The following GRIK2 variants were observed in gnomAD, a reference collection of about 807,000 sequenced individuals.
The protein encoded by GRIK2 is glutamate receptor ionotropic, kainate 2.
In GRIK2, 32 loss-of-function variants were observed where a neutral mutation model predicts 100.3. The observed-to-expected ratio is 0.32, with a 90% CI of 0.24 to 0.43. The LOEUF is 0.43. Ranked by LOEUF, GRIK2 falls within the 20% of genes least tolerant of loss-of-function variation. The probability of loss-of-function intolerance (pLI) is 1.00; values close to 1 mark genes in which losing one functional copy is unlikely to be tolerated. For missense variants in GRIK2, 843 were observed against 1,114.9 expected, an observed-to-expected ratio of 0.76 and a Z score of 3.47; for synonymous variants, 417 against 389.4, an observed-to-expected ratio of 1.07 and a Z score of -0.83.
In GRIK2 at chr6:101,760,666, A is replaced by ATTTAATTATATGTTTAATTATG. The variant is rs1562364694; in HGVS notation, c.952-38981_952-38980insTTAATTATATGTTTAATTATGT. Among the ~76,000 whole-genome samples the ATTTAATTATATGTTTAATTATG allele has an allele frequency of 3.4e-4, 41 of 120,598 alleles. 1 individual carries two copies. The highest frequency in any genetic ancestry group is 9.2e-4 in the East Asian group (4 of 4,346). The allele number at this position is 120,598 out of a possible 152,430, so 79.1% of individuals were successfully genotyped here. A position where few individuals can be genotyped will look rare whatever the true frequency, so the allele number is the denominator to read the frequency against. ...TATATATAATTATATGTTTAATTAT[A>ATTTAATTATATGTTTAATTATG]TATAATTATATATTTAATTATATAT... is the stretch of plus-strand genomic sequence containing the variant. On this transcript the variant is annotated intron_variant, in intron 7 of 16. Coordinates refer to ENST00000369134, the MANE Select transcript of GRIK2 (RefSeq NM_021956.5).
chr6:101,455,428 C>T (rs891715026), intron 2 of GRIK2, among the ~76,000 whole-genome samples: 1 of 151,948 alleles, frequency 6.6e-6, no homozygotes, highest in Non-Finnish European at 1.5e-5. Context: ...GGGATGATAA[C>T]CTTTTTAAAC....
chr6:101,647,913 C>T (rs916865071), intron 4 of GRIK2, among the ~76,000 whole-genome samples: 5 of 151,920 alleles, frequency 3.3e-5, no homozygotes, highest in African/African-American at 9.7e-5. Context: ...AGTTTATCAA[C>T]CTTGGTGCTG....
intron 12 of GRIK2, among the ~76,000 whole-genome samples, chr6:101,905,678 A>G (rs1163455367): frequency 1.3e-5 from 2 of 151,344 alleles, no homozygotes; most frequent in Non-Finnish European, 3.0e-5. Flanking sequence ...TATTACTACT[A>G]CATCTATCAA....
chr6:101,564,618 T>C (rs1292505593), intron 2 of GRIK2, among the ~76,000 whole-genome samples: 1 of 152,152 alleles, frequency 6.6e-6, no homozygotes, highest in African/African-American at 2.4e-5. Context: ...CATCTCATTT[T>C]CTACCAGACA....
At chr6:101,565,574 TG>T in intron 2 of GRIK2, among the ~76,000 whole-genome samples, 1 of 152,182 alleles carries the variant, frequency 6.6e-6, no homozygotes, top group Non-Finnish European at 1.5e-5. Flanking sequence ...CAAAGAAGAT[TG>T]CATTGAATGT....
intron 5 of GRIK2, among the ~76,000 whole-genome samples, chr6:101,679,355 T>C (rs1014792984): frequency 2.6e-5 from 4 of 152,216 alleles, no homozygotes; most frequent in African/African-American, 9.6e-5. Context: ...CATGTGTTAA[T>C]TCATCATATA....
At chr6:101,635,763 C>T (rs1780975969) in intron 4 of GRIK2, among the ~76,000 whole-genome samples, 1 of 152,186 alleles carries the variant, frequency 6.6e-6, no homozygotes, top group Non-Finnish European at 1.5e-5. Context: ...CTCATCATCA[C>T]TGGTCATTAG....
At chr6:101,593,248 G>A (rs1472263097) in intron 2 of GRIK2, among the ~76,000 whole-genome samples, 1 of 151,858 alleles carries the variant, frequency 6.6e-6, no homozygotes, top group African/African-American at 2.4e-5. Flanking sequence ...TGATGGAGGT[G>A]ATGATGGGAA....
chr6:101,441,915 G>A (rs191797176), intron 2 of GRIK2, among the ~76,000 whole-genome samples: 4 of 151,750 alleles, frequency 2.6e-5, no homozygotes, highest in Admixed American at 1.3e-4. Context: ...AGTAGTCTGG[G>A]AAACTTCTTA....
chr6:101,587,795 C>G (rs1389823073), intron 2 of GRIK2, among the ~76,000 whole-genome samples: 1 of 151,886 alleles, frequency 6.6e-6, no homozygotes, highest in East Asian at 1.9e-4. Flanking sequence ...AAAATTGAGG[C>G]TAAAGTACAG....
At chr6:102,012,792 A>G (rs1392795220) in intron 14 of GRIK2, among the ~76,000 whole-genome samples, 3 of 152,060 alleles carry the variant, frequency 2.0e-5, no homozygotes, top group Non-Finnish European at 4.4e-5. Flanking sequence ...CCATTGGTCT[A>G]TGTGTCTGTT....
At chr6:102,011,710 G>A (rs568898960) in intron 14 of GRIK2, among the ~76,000 whole-genome samples, 172 of 148,842 alleles carry the variant, frequency 1.2e-3, no homozygotes, top group Non-Finnish European at 1.8e-3. Context: ...CAGCCTCTCC[G>A]AGTAGCTGGG....
At chr6:101,415,402 G>T (rs1464744067) in intron 2 of GRIK2, among the ~76,000 whole-genome samples, 5 of 108,678 alleles carry the variant, frequency 4.6e-5, no homozygotes, top group Admixed American at 1.4e-4. Flanking sequence ...ACGGCGTCTT[G>T]CTCTGTCGCC....
intron 4 of GRIK2, among the ~76,000 whole-genome samples, chr6:101,674,365 T>C (rs1483966075): frequency 6.6e-6 from 1 of 152,218 alleles, no homozygotes; most frequent in Non-Finnish European, 1.5e-5. Context: ...GTGTAGGAAC[T>C]ACTGACTTAC....
Position 101,859,302 on chromosome 6 carries a change from C to A in GRIK2, c.1333C>A (p.Leu445Ile), listed in dbSNP as rs1351645179. 2.5e-6 allele frequency: 4 copies of A among 1,584,488 alleles called. No homozygotes were observed. In the African/African-American group the frequency reaches 4.0e-5, roughly 16 times the overall value. ...VTTILEEPYV[L>I]FKKSDKPLYG... ...ATGTTTTCAGGAAGAGCCTTATGTC[C>A]TTTTTAAGAAGTCTGACAAACCTCT... Residue 445 changes from leucine (L) to isoleucine (I), a missense_variant, in exon 11 of 17, where the codon CTT becomes ATT. By Grantham distance (5) the Leu-to-Ile change is conservative. This residue lies in a region of GRIK2 where 519 missense variants were observed against 643.8 expected (regional missense o/e 0.81). Transcript: ENST00000369134.
chr6:101,897,242 CTTCCTTTTT>C (rs1787527397), intron 12 of GRIK2, among the ~76,000 whole-genome samples: 1 of 151,556 alleles, frequency 6.6e-6, no homozygotes, highest in Non-Finnish European at 1.5e-5. Context: ...TTTTTCCTTT[CTTCCTTTTT>C]TTTGGACCAG....
At chr6:101,818,237 T>G (rs1781752452) in intron 9 of GRIK2, 133 bp from the exon 10 acceptor site, 1 of 591,786 alleles carries the variant, frequency 1.7e-6, no homozygotes. Flanking sequence ...TTAAACAAGC[T>G]GCCTTTACTT....
At chr6:101,968,112 C>T (rs1030520684) in intron 14 of GRIK2, among the ~76,000 whole-genome samples, 2 of 151,690 alleles carry the variant, frequency 1.3e-5, no homozygotes, top group African/African-American at 4.8e-5. Context: ...TCAAGTGAAA[C>T]AATAAAATAT....
chr6:101,560,889 G>T (rs1307809566), intron 2 of GRIK2, among the ~76,000 whole-genome samples: 2 of 152,032 alleles, frequency 1.3e-5, no homozygotes, highest in East Asian at 3.9e-4. Context: ...TCCTACCACA[G>T]TTAATGTTTT....
Sources: allele counts gnomAD v4.1 joint callset (sites outside exome capture counted in the v4.1 genomes callset), GRCh38; gene constraint gnomAD v4.1.1; regional missense constraint gnomAD v4.1.1; transcripts MANE v1.5; gene names NCBI Gene and HGNC (gene_info 2026-07-23, HGNC 2026-07-21).